Variants in DCP1B observed in about 807,000 individuals in gnomAD.
The protein encoded by DCP1B is decapping mRNA 1B.
In DCP1B, 47 loss-of-function variants were observed where a neutral mutation model predicts 60.5. The observed-to-expected ratio is 0.78, with a 90% CI of 0.61 to 0.99. The LOEUF is 0.99. DCP1B is among the 50% of genes least tolerant of loss of function. The pLI, the probability that DCP1B is intolerant of heterozygous loss-of-function variation, is 0.00. For synonymous variants in DCP1B, 267 were observed against 280.3 expected, an observed-to-expected ratio of 0.95 and a Z score of 0.47; for missense variants, 725 against 756.8, an observed-to-expected ratio of 0.96 and a Z score of 0.49.
Position 2,004,452 on chromosome 12 carries a change from A to G in DCP1B, c.-21T>C. ...GCCATCTTCCCTCCCTCCCAGACAT[A>G]GGCACGGGGCTCTTGGAAGCCACTC... On this transcript the variant is annotated 5_prime_UTR_variant, in exon 1 of 9. Transcript: ENST00000280665. The G allele has an allele frequency of 6.3e-7, 1 of 1,596,280 alleles. No individual in the cohort carries two copies. Among genetic ancestry groups the G allele is most frequent in the Non-Finnish European group, 8.5e-7 (1 of 1,171,762 alleles).
intron 3 of DCP1B, among the ~76,000 whole-genome samples, chr12:1,985,048 AAAT>A (rs1180254272): frequency 6.6e-6 from 1 of 151,978 alleles, no homozygotes; most frequent in Non-Finnish European, 1.5e-5. Context: ...AAAAAAAAAA[AAAT>A]CTTTGTTTTT....
chr12:1,955,085 G>A (rs1331043102), intron 6 of DCP1B, among the ~76,000 whole-genome samples: 3 of 152,036 alleles, frequency 2.0e-5, no homozygotes, highest in African/African-American at 7.3e-5. Context: ...TCAAACTTCT[G>A]GCCTCAAATG....
intron 1 of DCP1B, among the ~76,000 whole-genome samples, chr12:2,003,116 T>C (rs1311426232): frequency 1.3e-5 from 2 of 152,220 alleles, no homozygotes; most frequent in Non-Finnish European, 2.9e-5. Flanking sequence ...TTAAGAACTT[T>C]GGGCAAAACT....
intron 3 of DCP1B, chr12:1,970,959 C>T: frequency 1.7e-6 from 1 of 586,526 alleles, no homozygotes; most frequent in South Asian, 2.3e-5. Flanking sequence ...TGAAATGTTA[C>T]TGCAGGAATA....
At chr12:1,963,187 C>T (rs1385590775) in intron 5 of DCP1B, among the ~76,000 whole-genome samples, 2 of 152,178 alleles carry the variant, frequency 1.3e-5, no homozygotes, top group East Asian at 1.9e-4. Context: ...TGATAATCAG[C>T]GGGGTTCAGG....
chr12:2,003,146 GCTTGT>G (rs2042578512), intron 1 of DCP1B, among the ~76,000 whole-genome samples: 1 of 151,996 alleles, frequency 6.6e-6, no homozygotes, highest in Non-Finnish European at 1.5e-5. Context: ...CCCCATTCTT[GCTTGT>G]CTTTTTATTT....
chr12:1,966,695 T>C (rs939653680), intron 4 of DCP1B, among the ~76,000 whole-genome samples: 1 of 152,154 alleles, frequency 6.6e-6, no homozygotes, highest in African/African-American at 2.4e-5. Flanking sequence ...GTTATTATTA[T>C]CCACTGCACA....
chr12:1,989,264 A>T (rs1287517302), intron 3 of DCP1B, among the ~76,000 whole-genome samples: 1 of 152,194 alleles, frequency 6.6e-6, no homozygotes, highest in Non-Finnish European at 1.5e-5. Context: ...TTAGCCCAGG[A>T]GTTCAAGGTT....
rs191076501 is a variant in DCP1B at position 1,976,068 on chromosome 12, T to C, written c.320-8158A>G. 1.1e-3 allele frequency among the ~76,000 whole-genome samples: 175 copies of C among 152,260 alleles called. 1 individual carries two copies. The highest frequency in any genetic ancestry group is 4.2e-3 in the African/African-American group (173 of 41,574). ...CTCAAGAGTGAAATTCTGCTTTACT[T>C]GAGATTTTTCAGAGCCTTTCTTTAG... On this transcript the variant is annotated intron_variant, in intron 3 of 8. Coordinates refer to ENST00000280665, the MANE Select transcript of DCP1B (RefSeq NM_152640.5).
chr12:2,001,714 T>C (rs1249273415), intron 1 of DCP1B, among the ~76,000 whole-genome samples: 2 of 152,212 alleles, frequency 1.3e-5, no homozygotes, highest in African/African-American at 4.8e-5. Flanking sequence ...TTTTTCACTT[T>C]TAAAAAACTC....
intron 5 of DCP1B, among the ~76,000 whole-genome samples, chr12:1,963,279 G>A (rs748118297): frequency 1.3e-5 from 2 of 152,164 alleles, no homozygotes; most frequent in East Asian, 1.9e-4. Context: ...CACTGCCTGA[G>A]TCAATTATTT....
At chr12:1,946,337 C>T (rs1052258297) in intron 8 of DCP1B, 51 bp from the exon 9 acceptor site, 1 of 1,452,310 alleles carries the variant, frequency 6.9e-7, no homozygotes, top group Non-Finnish European at 9.4e-7. Context: ...TTGGCAGACA[C>T]AAAAGGCTTC....
intron 1 of DCP1B, among the ~76,000 whole-genome samples, chr12:2,000,830 A>AGT (rs1230876779): frequency 3.9e-5 from 6 of 152,194 alleles, no homozygotes; most frequent in Non-Finnish European, 8.8e-5. Context: ...TGAGGTCAGG[A>AGT]GTTCAAGACC....
Position 2,004,320 on chromosome 12 carries a change from C to A in DCP1B, c.112G>T (p.Val38Leu). The change falls in exon 1 of 9, where the codon GTG becomes TTG. Residue 38 changes from valine (V) to leucine (L), a missense_variant. Physicochemically the swap from Val to Leu is conservative, Grantham distance 32. Transcript: ENST00000280665. ...INRIVDVASQ[V>L]ALYTFGHRAN... ...CGATGGCCGAAGGTGTACAGAGCCA[C>A]CTGGCTGGCCACGTCCACGATGCGG... 6.2e-7 allele frequency: 1 copy of A among 1,613,410 alleles called. No homozygotes were observed. The highest frequency in any genetic ancestry group is 8.5e-7 in the Non-Finnish European group (1 of 1,179,940).
chr12:1,994,495 T>G (rs2040320986), intron 2 of DCP1B, among the ~76,000 whole-genome samples: 1 of 152,192 alleles, frequency 6.6e-6, no homozygotes, highest in Non-Finnish European at 1.5e-5. Flanking sequence ...GGTAAAGTGG[T>G]GGTAAGCATA....
intron 3 of DCP1B, chr12:1,970,942 G>C (rs1219128989): frequency 2.3e-6 from 1 of 439,816 alleles, no homozygotes. Context: ...GTCAACTTTT[G>C]TGGCACTGAA....
chr12:1,996,662 ACT>A (rs2040993071), intron 2 of DCP1B, among the ~76,000 whole-genome samples: 1 of 104,034 alleles, frequency 9.6e-6, no homozygotes, highest in African/African-American at 4.1e-5. Flanking sequence ...AAAACAACAA[ACT>A]CTTCTAATGT....
intron 3 of DCP1B, among the ~76,000 whole-genome samples, chr12:1,974,115 C>T (rs1490459966): frequency 6.6e-6 from 1 of 152,164 alleles, no homozygotes; most frequent in African/African-American, 2.4e-5. Flanking sequence ...ACAGCATGTG[C>T]AGACATTCAA....
intron 3 of DCP1B, chr12:1,970,927 G>A (rs2032021576): frequency 3.4e-5 from 13 of 377,494 alleles, no homozygotes; most frequent in South Asian, 2.6e-4. Flanking sequence ...ATACGATACG[G>A]CCATGTCAAC....
Sources: gnomAD v4.1 joint callset for allele counts (sites outside exome capture counted in the v4.1 genomes callset) on GRCh38, gnomAD v4.1.1 for gene constraint, MANE v1.5 for transcripts, NCBI Gene and HGNC (gene_info 2026-07-23, HGNC 2026-07-21) for gene names.